The following WDR12 variants were observed in gnomAD, a reference collection of about 807,000 sequenced individuals.
WDR12 encodes the protein ribosome biogenesis protein WDR12.
In WDR12, 42 loss-of-function variants were observed where a neutral mutation model predicts 64.3. That is an observed-to-expected ratio of 0.65 (90% confidence interval 0.51 to 0.84). The LOEUF (loss-of-function observed/expected upper bound fraction) is 0.84. WDR12 is among the 40% of genes least tolerant of loss of function. The pLI, the probability that WDR12 is intolerant of heterozygous loss-of-function variation, is 0.00. For synonymous variants in WDR12, 158 were observed against 173.3 expected, an observed-to-expected ratio of 0.91 and a Z score of 0.70; for missense variants, 469 against 494.6, an observed-to-expected ratio of 0.95 and a Z score of 0.49.
chr2:202,904,067 G>A (rs1267634232), intron 2 of WDR12, among the ~76,000 whole-genome samples: 2 of 146,218 alleles, frequency 1.4e-5, no homozygotes, highest in South Asian at 2.2e-4. Flanking sequence ...GAAACCGGGA[G>A]GTGGAGGTCG....
chr2:202,876,031 C>T lies in WDR12; in HGVS notation c.*4829G>A, dbSNP rs1423290386. ...TCATTGGAACTGCTATTAGAACAAC[C>T]ATTAGGTTTAATTCTGTAAAACTAA... On this transcript the variant is annotated 3_prime_UTR_variant, in exon 13 of 13. Coordinates refer to ENST00000261015, the MANE Select transcript of WDR12 (RefSeq NM_018256.4). The T allele has an allele frequency of 6.6e-6, 1 of 152,126 alleles. No homozygotes were observed. Among genetic ancestry groups the T allele is most frequent in the Non-Finnish European group, 1.5e-5 (1 of 68,038 alleles). 9.4% of individuals were successfully genotyped at this position (152,126 alleles called of 1,614,324 possible).
At chr2:202,904,138 C>CAAAAAAAAAAAAAAAAAA (rs34378996) in intron 2 of WDR12, among the ~76,000 whole-genome samples, 60 of 38,552 alleles carry the variant, frequency 1.6e-3, no homozygotes, top group African/African-American at 1.9e-3. Flanking sequence ...AACTCTGTCT[C>CAAAAAAAAAAAAAAAAAA]AAAAAAAAAA....
In WDR12 at chr2:202,899,596, T is replaced by C. The variant is rs1574408948; in HGVS notation, c.273A>G (p.Ala91=). Residue 91 remains alanine, a synonymous_variant, in exon 4 of 13, where the codon GCA becomes GCG. Coordinates refer to ENST00000261015, the MANE Select transcript of WDR12 (RefSeq NM_018256.4). ...VEIEYVEKYT[A]PQPEQCMFHD... is the part of the protein sequence containing the mutation. ...GGAACATGCATTGCTCTGGCTGGGG[T>C]GCAGTATACTTCTCCACGTATTCTA... 1.2e-6 allele frequency: 2 copies of C among 1,614,138 alleles called. No homozygotes were observed. Among genetic ancestry groups the C allele is most frequent in the South Asian group, 1.1e-5 (1 of 91,082 alleles).
At chr2:202,897,552 C>T in intron 4 of WDR12, 137 bp from the exon 5 acceptor site, 1 of 428,494 alleles carries the variant, frequency 2.3e-6, no homozygotes. Context: ...GATTTCAAGC[C>T]ATACTAGATC....
Position 202,877,309 on chromosome 2 carries a change from G to T in WDR12, c.*3551C>A, listed in dbSNP as rs1687876523. On this transcript the variant is annotated 3_prime_UTR_variant, in exon 13 of 13. Coordinates refer to ENST00000261015, the MANE Select transcript of WDR12 (RefSeq NM_018256.4). ...GATCATCTTCTCATAGAAAAGCTATGTTTTTCTACAAAGGCCCCACTATGC... is the reference window on the plus strand; with the variant it reads ...GATCATCTTCTCATAGAAAAGCTATTTTTTTCTACAAAGGCCCCACTATGC... 6.6e-6 allele frequency: 1 copy of T among 151,956 alleles called. No individual in the cohort carries two copies. The highest frequency in any genetic ancestry group is 2.1e-4 in the South Asian group (1 of 4,812). The allele number at this position is 151,956 out of a possible 1,614,324, so 9.4% of individuals were successfully genotyped here.
chr2:202,897,925 A>ATATAT (rs1553541969), intron 4 of WDR12, among the ~76,000 whole-genome samples: 1 of 68,398 alleles, frequency 1.5e-5, no homozygotes, highest in African/African-American at 4.2e-5. Context: ...ATATATATAT[A>ATATAT]AAAAATATAT....
In WDR12 at chr2:202,880,735, T is replaced by G. The variant is rs1687933926; in HGVS notation, c.*125A>C. 1.5e-6 allele frequency: 1 copy of G among 650,332 alleles called. No homozygotes were observed. The highest frequency in any genetic ancestry group is 3.4e-5 in the Admixed American group (1 of 29,704). The allele number at this position is 650,332 out of a possible 1,614,324, so 40.3% of individuals were successfully genotyped here. On this transcript the variant is annotated 3_prime_UTR_variant, in exon 13 of 13. Coordinates refer to ENST00000261015, the MANE Select transcript of WDR12 (RefSeq NM_018256.4). ...AGAAAAAGTGATACGTTAGCTGTTATGAAGGGTGAAAACATTATATAAACT... is the reference window on the plus strand; with the variant it reads ...AGAAAAAGTGATACGTTAGCTGTTAGGAAGGGTGAAAACATTATATAAACT...
chr2:202,883,555 T>C, intron 11 of WDR12, 54 bp downstream of exon 11: 1 of 1,556,078 alleles, frequency 6.4e-7, no homozygotes, highest in Non-Finnish European at 8.7e-7. Context: ...ATTCATTTCC[T>C]TTCTATAACA....
At chr2:202,892,591 TAC>T (rs1476445891) in intron 8 of WDR12, 24 bp downstream of exon 8, 4 of 1,550,120 alleles carry the variant, frequency 2.6e-6, no homozygotes, top group Non-Finnish European at 8.9e-7. Flanking sequence ...CTAAGGCAAG[TAC>T]AGTCAGTTCT....
At chr2:202,891,076 T>C (rs1021853570) in intron 8 of WDR12, among the ~76,000 whole-genome samples, 11 of 151,880 alleles carry the variant, frequency 7.2e-5, no homozygotes, top group African/African-American at 2.7e-4. Flanking sequence ...AATCTTTTCC[T>C]ACTCAGATAT....
At chr2:202,899,169 A>G (rs1688305104) in intron 4 of WDR12, among the ~76,000 whole-genome samples, 1 of 150,546 alleles carries the variant, frequency 6.6e-6, no homozygotes, top group Non-Finnish European at 1.5e-5. Flanking sequence ...CAGCCTCCCA[A>G]GTAGCGGGGA....
intron 11 of WDR12, 119 bp downstream of exon 11, chr2:202,883,490 G>C (rs1687990439): frequency 8.0e-7 from 1 of 1,255,040 alleles, no homozygotes; most frequent in Non-Finnish European, 1.1e-6. Context: ...GTCACATGAG[G>C]TTGCAAAACC....
intron 8 of WDR12, among the ~76,000 whole-genome samples, chr2:202,885,561 C>T (rs1403689272): frequency 6.6e-6 from 1 of 152,224 alleles, no homozygotes; most frequent in African/African-American, 2.4e-5. Flanking sequence ...CCAATTTCTA[C>T]ACAACTCCTC....
At chr2:202,882,247 TTTC>T (rs1687962666) in intron 12 of WDR12, among the ~76,000 whole-genome samples, 2 of 152,104 alleles carry the variant, frequency 1.3e-5, no homozygotes, top group Admixed American at 6.6e-5. Flanking sequence ...GACAAATTTG[TTTC>T]TTCTTTGAAT....
intron 1 of WDR12, among the ~76,000 whole-genome samples, chr2:202,911,089 T>C (rs549646840): frequency 6.6e-6 from 1 of 152,346 alleles, no homozygotes; most frequent in Admixed American, 6.5e-5. Context: ...TATATCTATA[T>C]AGATATACAT....
intron 8 of WDR12, among the ~76,000 whole-genome samples, chr2:202,885,253 G>A (rs1029104867): frequency 2.0e-5 from 3 of 152,080 alleles, no homozygotes; most frequent in Non-Finnish European, 4.4e-5. Flanking sequence ...ATGGATCCTC[G>A]GCTTCTGTTG....
chr2:202,881,030 T>A (rs1653132831), intron 12 of WDR12, 93 bp from the exon 13 acceptor site: 1 of 1,148,586 alleles, frequency 8.7e-7, no homozygotes, highest in East Asian at 2.9e-5. Context: ...ATGATTTTCA[T>A]TACAAAAGGA....
intron 12 of WDR12, among the ~76,000 whole-genome samples, chr2:202,882,038 T>TG (rs1446118886): frequency 6.6e-6 from 1 of 151,468 alleles, no homozygotes; most frequent in Non-Finnish European, 1.5e-5. Context: ...CAGGCACAAG[T>TG]GATCCTCCTG....
chr2:202,903,491 G>GT (rs1688391263), intron 2 of WDR12, among the ~76,000 whole-genome samples: 1 of 128,392 alleles, frequency 7.8e-6, no homozygotes. Flanking sequence ...AAGGAAGGAA[G>GT]GAAGGAAGGA....
Sources: allele counts gnomAD v4.1 joint callset (sites outside exome capture counted in the v4.1 genomes callset), GRCh38; gene constraint gnomAD v4.1.1; transcripts MANE v1.5; gene names NCBI Gene and HGNC (gene_info 2026-07-23, HGNC 2026-07-21).